The following BLK variants were observed in gnomAD, a reference collection of about 807,000 sequenced individuals.
The protein encoded by BLK is tyrosine-protein kinase Blk.
In BLK, 64 loss-of-function variants were observed where a neutral mutation model predicts 61.8. The observed-to-expected ratio is 1.03, with a 90% CI of 0.85 to 1.27. The LOEUF is 1.27. BLK is among the 50% of genes most tolerant of loss of function. The probability of loss-of-function intolerance (pLI) is 0.00; values close to 1 mark genes in which losing one functional copy is unlikely to be tolerated. For missense variants in BLK, 853 were observed against 660.5 expected (o/e 1.29, Z -3.19); for synonymous variants, 351 against 272.0 (o/e 1.29, Z -2.86).
chr8:11,503,444 G>A (rs1798642402), intron 1 of BLK, among the ~76,000 whole-genome samples: 1 of 152,190 alleles, frequency 6.6e-6, no homozygotes, highest in Admixed American at 6.5e-5. Context: ...CCCAAAGGGA[G>A]AGGTGCAGCT....
At chr8:11,560,486 G>A (rs1475662819) in intron 10 of BLK, 4 of 248,652 alleles carry the variant, frequency 1.6e-5, no homozygotes, top group Non-Finnish European at 3.2e-5. Context: ...TTCTAGTGCT[G>A]GCTTCTTGAA....
rs1585396704 is a variant in BLK, at chr8:11,548,248, G to A, written c.269+123G>A. 3 of 792,370 alleles carry A rather than the reference G, an allele frequency of 3.8e-6. No homozygotes were observed. In the East Asian group the frequency reaches 7.9e-5, roughly 21 times the overall value. The allele number at this position is 792,370 out of a possible 1,614,324, so 49.1% of individuals were successfully genotyped here. A position where few individuals can be genotyped will look rare whatever the true frequency, so the allele number is the denominator to read the frequency against. On this transcript the variant is annotated intron_variant, in intron 4 of 12. Transcript: ENST00000259089. ...AGTCTTCTCCATCGCCCTGCCCCCAGCCCTGGCCCCAGCATTTTCTTGAAC... is the reference window on the plus strand; with the variant it reads ...AGTCTTCTCCATCGCCCTGCCCCCAACCCTGGCCCCAGCATTTTCTTGAAC...
At chr8:11,550,002 T>C in intron 5 of BLK, 157 bp from the exon 6 acceptor site, 1 of 707,964 alleles carries the variant, frequency 1.4e-6, no homozygotes, top group Non-Finnish European at 2.5e-6. Flanking sequence ...GGGCACTGAC[T>C]CCATCACGGT....
chr8:11,545,106 G>A (rs773135978), intron 2 of BLK, among the ~76,000 whole-genome samples: 19 of 152,214 alleles, frequency 1.2e-4, no homozygotes, highest in Non-Finnish European at 2.1e-4. Context: ...CAGCGCATAT[G>A]CTTCTGAGAC....
At chr8:11,511,454 A>T (rs762094091) in intron 1 of BLK, among the ~76,000 whole-genome samples, 12 of 149,796 alleles carry the variant, frequency 8.0e-5, no homozygotes, top group Non-Finnish European at 1.5e-4. Flanking sequence ...AAAAAAAATC[A>T]GTTTCTGTTA....
At chr8:11,515,731 A>G (rs1386619235) in intron 1 of BLK, among the ~76,000 whole-genome samples, 5 of 152,194 alleles carry the variant, frequency 3.3e-5, no homozygotes, top group Admixed American at 1.3e-4. Flanking sequence ...GTAGTGCCTC[A>G]TGTCATATGT....
At chr8:11,526,789 A>G (rs1335079643) in intron 1 of BLK, among the ~76,000 whole-genome samples, 1 of 151,146 alleles carries the variant, frequency 6.6e-6, no homozygotes, top group African/African-American at 2.4e-5. Context: ...TCAGTAGGTT[A>G]GTACTCAAAA....
intron 1 of BLK, among the ~76,000 whole-genome samples, chr8:11,513,533 C>T (rs545764684): frequency 9.9e-5 from 15 of 152,268 alleles, no homozygotes; most frequent in East Asian, 5.8e-4. Context: ...CCTAAATCTG[C>T]GATGCAATCA....
intron 10 of BLK, chr8:11,558,937 T>C: frequency 2.2e-6 from 1 of 455,860 alleles, no homozygotes; most frequent in South Asian, 1.5e-5. Context: ...CAGGAACTGA[T>C]GCCACAACGC....
intron 5 of BLK, 126 bp from the exon 6 acceptor site, chr8:11,550,033 G>C: frequency 1.2e-6 from 1 of 853,286 alleles, no homozygotes; most frequent in Non-Finnish European, 1.9e-6. Flanking sequence ...GCAGCTCAGG[G>C]CCGACTGGGA....
At chr8:11,513,407 G>A (rs895809870) in intron 1 of BLK, among the ~76,000 whole-genome samples, 11 of 152,330 alleles carry the variant, frequency 7.2e-5, no homozygotes, top group Admixed American at 4.6e-4. Flanking sequence ...ATGGAGCCCT[G>A]TGTTACCCCC....
intron 6 of BLK, among the ~76,000 whole-genome samples, chr8:11,551,080 G>C (rs1800877055): frequency 6.6e-6 from 1 of 152,094 alleles, no homozygotes; most frequent in South Asian, 2.1e-4. Context: ...GCTCTTCTCT[G>C]TGGTTTCGCC....
rs1231312781 is a variant in BLK, at chr8:11,564,312, T to G, written c.*204T>G. The G allele has an allele frequency of 1.4e-6, 1 of 719,582 alleles. No homozygotes were observed. Among genetic ancestry groups the G allele is most frequent in the South Asian group, 1.5e-5 (1 of 67,078 alleles). The allele number at this position is 719,582 out of a possible 1,614,324, so 44.6% of individuals were successfully genotyped here. On this transcript the variant is annotated 3_prime_UTR_variant, in exon 13 of 13. Coordinates refer to ENST00000259089, the MANE Select transcript of BLK (RefSeq NM_001715.3). Reference sequence around the variant, plus strand: ...CCCCGGGCGAGTTACGCGGCCTCTCTGTGCCGCTTCATTTGTAGAGGGCTG... The same window carrying G: ...CCCCGGGCGAGTTACGCGGCCTCTCGGTGCCGCTTCATTTGTAGAGGGCTG...
rs756907349 is a variant in BLK at position 11,563,010 on chromosome 8, G to T, written c.1212G>T (p.Pro404=). 1.9e-6 allele frequency: 3 copies of T among 1,614,134 alleles called. No homozygotes were observed. In the East Asian group the frequency reaches 6.7e-5, roughly 36 times the overall value. ...AGTTCCCCATCAAGTGGACAGCCCC[G>T]GAAGCCATCCACTTCGGGGTCTTCA... The part of the protein sequence containing the change: ...GAKFPIKWTA[P]EAIHFGVFTI... Residue 404 remains proline, a synonymous_variant, in exon 12 of 13, where the codon CCG becomes CCT. Coordinates refer to ENST00000259089, the MANE Select transcript of BLK (RefSeq NM_001715.3).
chr8:11,510,695 G>T (rs1381456800), intron 1 of BLK, among the ~76,000 whole-genome samples: 2 of 151,896 alleles, frequency 1.3e-5, no homozygotes, highest in African/African-American at 4.8e-5. Flanking sequence ...ACATACAGAG[G>T]TCCAGTAATG....
At chr8:11,533,369 A>G (rs1304509637) in intron 1 of BLK, among the ~76,000 whole-genome samples, 1 of 152,072 alleles carries the variant, frequency 6.6e-6, no homozygotes, top group Non-Finnish European at 1.5e-5. Flanking sequence ...CTCCCTTCTT[A>G]CACATTCCAC....
intron 10 of BLK, chr8:11,559,006 G>T (rs1801358384): frequency 2.2e-6 from 1 of 456,144 alleles, no homozygotes; most frequent in Non-Finnish European, 4.4e-6. Flanking sequence ...GAAAATGAGT[G>T]CTGGTAACCG....
chr8:11,524,171 G>A (rs1157501695), intron 1 of BLK, among the ~76,000 whole-genome samples: 1 of 152,024 alleles, frequency 6.6e-6, no homozygotes, highest in African/African-American at 2.4e-5. Flanking sequence ...TTATTCATAT[G>A]GTTCAAAATT....
intron 1 of BLK, among the ~76,000 whole-genome samples, chr8:11,496,234 C>T (rs1175892517): frequency 1.3e-5 from 2 of 151,740 alleles, no homozygotes; most frequent in Admixed American, 6.6e-5. Flanking sequence ...GGTTGTTTTT[C>T]GTTTATGTTT....
Sources: allele counts gnomAD v4.1 joint callset (sites outside exome capture counted in the v4.1 genomes callset), GRCh38; gene constraint gnomAD v4.1.1; transcripts MANE v1.5; gene names NCBI Gene and HGNC (gene_info 2026-07-23, HGNC 2026-07-21).